Variants in BBX observed in about 807,000 individuals in gnomAD.
BBX encodes the protein BBX high mobility group box domain containing, also known as HMG box transcription factor BBX.
BBX carries 30 observed loss-of-function variants against 100.2 expected under a neutral mutation model. The ratio of observed to expected loss-of-function variants is 0.30; its 90% CI spans 0.22 to 0.41. BBX has a LOEUF of 0.41. Ranked by LOEUF, BBX falls within the 10% of genes least tolerant of loss-of-function variation. The pLI is 1.00. For synonymous variants in BBX, 376 were observed against 388.1 expected (o/e 0.97, Z 0.37); for missense variants, 1,023 against 1,129.8 (o/e 0.91, Z 1.35).
chr3:107,639,393 G>T (rs1346043636), intron 2 of BBX, among the ~76,000 whole-genome samples: 3 of 152,112 alleles, frequency 2.0e-5, no homozygotes, highest in Non-Finnish European at 4.4e-5. Flanking sequence ...TCTCTGAGGG[G>T]TATCCCATGG....
chr3:107,706,566 G>A (rs2061410952), intron 3 of BBX, among the ~76,000 whole-genome samples: 1 of 152,030 alleles, frequency 6.6e-6, no homozygotes, highest in African/African-American at 2.4e-5. Flanking sequence ...CAAGTACAGA[G>A]TCCATTGATA....
intron 2 of BBX, among the ~76,000 whole-genome samples, chr3:107,545,814 A>C (rs578070768): frequency 6.6e-6 from 1 of 152,322 alleles, no homozygotes; most frequent in Non-Finnish European, 1.5e-5. Context: ...ATGATGCATT[A>C]AGTGGATAAA....
At chr3:107,704,662 A>G (rs977298305) in intron 3 of BBX, among the ~76,000 whole-genome samples, 7 of 152,304 alleles carry the variant, frequency 4.6e-5, no homozygotes, top group African/African-American at 1.4e-4. Context: ...CACTCCTACA[A>G]TCACAACATT....
At chr3:107,565,613 A>C (rs1284196006) in intron 2 of BBX, among the ~76,000 whole-genome samples, 1 of 151,412 alleles carries the variant, frequency 6.6e-6, no homozygotes, top group Non-Finnish European at 1.5e-5. Flanking sequence ...GGGATTACAG[A>C]TGCCCACCAC....
chr3:107,738,275 A>T (rs1344860347), intron 7 of BBX, among the ~76,000 whole-genome samples: 2 of 152,070 alleles, frequency 1.3e-5, no homozygotes, highest in Admixed American at 6.6e-5. Flanking sequence ...GTCATATTTT[A>T]AAAAATTTTC....
intron 7 of BBX, among the ~76,000 whole-genome samples, chr3:107,734,711 G>T (rs1251508979): frequency 6.6e-6 from 1 of 152,072 alleles, no homozygotes; most frequent in Non-Finnish European, 1.5e-5. Context: ...ACAAATCAAC[G>T]TCTGTAGAAC....
At chr3:107,538,813 C>G (rs909711377) in intron 2 of BBX, among the ~76,000 whole-genome samples, 1 of 151,454 alleles carries the variant, frequency 6.6e-6, no homozygotes, top group African/African-American at 2.4e-5. Context: ...TAGGCAAGGT[C>G]TTACTCTGTT....
At chr3:107,647,342 G>C (rs763364069) in intron 3 of BBX, among the ~76,000 whole-genome samples, 9 of 152,148 alleles carry the variant, frequency 5.9e-5, no homozygotes, top group Non-Finnish European at 1.3e-4. Flanking sequence ...CACTTTATCT[G>C]ACCTGTTCAG....
intron 10 of BBX, among the ~76,000 whole-genome samples, chr3:107,770,638 C>T (rs995726897): frequency 2.6e-5 from 4 of 152,108 alleles, no homozygotes; most frequent in Non-Finnish European, 5.9e-5. Flanking sequence ...TCTTCATAGC[C>T]ACTTGCTGAG....
intron 2 of BBX, among the ~76,000 whole-genome samples, chr3:107,534,505 T>C (rs1408680447): frequency 6.6e-6 from 1 of 152,152 alleles, no homozygotes; most frequent in Non-Finnish European, 1.5e-5. Context: ...CTCTCATCTC[T>C]TTTTTTCTCT....
At chr3:107,586,769 A>C (rs1421632828) in intron 2 of BBX, among the ~76,000 whole-genome samples, 1 of 148,462 alleles carries the variant, frequency 6.7e-6, no homozygotes, top group African/African-American at 2.5e-5. Flanking sequence ...TTTTTTTTTG[A>C]GATGGAGTTT....
At chr3:107,604,507 T>C (rs953237801) in intron 2 of BBX, among the ~76,000 whole-genome samples, 2 of 152,130 alleles carry the variant, frequency 1.3e-5, no homozygotes, top group South Asian at 4.1e-4. Context: ...GAGCCTATCA[T>C]TCTAGATGTC....
chr3:107,699,761 G>C (rs1384202037), intron 3 of BBX, among the ~76,000 whole-genome samples: 2 of 151,892 alleles, frequency 1.3e-5, no homozygotes, highest in African/African-American at 4.9e-5. Context: ...CTATTCACCA[G>C]GCTCTGACAT....
chr3:107,680,327 C>G (rs1469694029), intron 3 of BBX, among the ~76,000 whole-genome samples: 1 of 152,134 alleles, frequency 6.6e-6, no homozygotes, highest in East Asian at 1.9e-4. Context: ...TTACGAGTAC[C>G]TCTTTACAAA....
At chr3:107,763,311 G>A (rs117613945) in intron 10 of BBX, among the ~76,000 whole-genome samples, 4,863 of 149,912 alleles carry the variant, frequency 0.032, 142 homozygotes, top group Admixed American at 0.094. Context: ...TGCAAGCTCC[G>A]CCTCCCGGGT....
intron 3 of BBX, among the ~76,000 whole-genome samples, chr3:107,705,732 G>A (rs1427531381): frequency 3.9e-5 from 6 of 152,154 alleles, no homozygotes; most frequent in Non-Finnish European, 8.8e-5. Context: ...AACAGTGAAC[G>A]AGAATCTTCT....
intron 10 of BBX, among the ~76,000 whole-genome samples, chr3:107,762,810 T>C (rs1560112570): frequency 6.6e-6 from 1 of 152,196 alleles, no homozygotes; most frequent in Non-Finnish European, 1.5e-5. Flanking sequence ...ATTTTGGAAC[T>C]GCTTATCATT....
At chr3:107,689,069 C>A (rs968538036) in intron 3 of BBX, among the ~76,000 whole-genome samples, 1 of 152,150 alleles carries the variant, frequency 6.6e-6, no homozygotes, top group African/African-American at 2.4e-5. Context: ...AGAATCAGGG[C>A]GATCAAGTAT....
At chr3:107,726,312 C>T (rs1381089624) in intron 5 of BBX, among the ~76,000 whole-genome samples, 3 of 151,782 alleles carry the variant, frequency 2.0e-5, no homozygotes, top group African/African-American at 7.3e-5. Context: ...CCACCTCCAC[C>T]CTCCCTTGAT....
Sources: allele counts gnomAD v4.1 joint callset (sites outside exome capture counted in the v4.1 genomes callset), GRCh38; gene constraint gnomAD v4.1.1; transcripts MANE v1.5; gene names NCBI Gene and HGNC (gene_info 2026-07-23, HGNC 2026-07-21).